Variants in PPFIBP2 observed in about 807,000 individuals in gnomAD.
PPFIBP2 encodes PPFIB scaffold protein 2, also known as liprin-beta-2.
Under a neutral mutation model 118.3 loss-of-function variants are expected in PPFIBP2, and 118 were observed. The observed-to-expected ratio is 1.00, with a 90% CI of 0.86 to 1.16. The LOEUF (loss-of-function observed/expected upper bound fraction) is 1.16. PPFIBP2 is among the 50% of genes most tolerant of loss of function. The pLI is 0.00. For synonymous variants in PPFIBP2, 414 were observed against 397.4 expected (o/e 1.04, Z -0.50); for missense variants, 1,195 against 1,073.1 (o/e 1.11, Z -1.59).
intron 2 of PPFIBP2, among the ~76,000 whole-genome samples, chr11:7,554,785 TGACTA>T (rs530273964): frequency 4.8e-4 from 62 of 129,794 alleles, no homozygotes; most frequent in African/African-American, 1.6e-3. Flanking sequence ...GAATCCCAGG[TGACTA>T]GACTAGACTA....
At chr11:7,532,079 T>G (rs1850745958) in intron 1 of PPFIBP2, among the ~76,000 whole-genome samples, 4 of 152,120 alleles carry the variant, frequency 2.6e-5, no homozygotes, top group Admixed American at 2.6e-4. Flanking sequence ...TGGCCTCAAG[T>G]GATCCACTCA....
chr11:7,641,970 T>C (rs1852258820), intron 16 of PPFIBP2: 1 of 389,764 alleles, frequency 2.6e-6, no homozygotes. Context: ...AAGAAATCTT[T>C]GAAAAACCTT....
Position 7,541,448 on chromosome 11 carries a change from A to G in PPFIBP2, c.-36-7992A>G, listed in dbSNP as rs2134444379. On this transcript the variant is annotated intron_variant, in intron 1 of 23. Transcript: ENST00000299492. ...GAGAAGTGCTCTGGTCTTATTCAGC[A>G]GCATTTGGTGCACCTGACTGCGCCC... 1.3e-5 allele frequency among the ~76,000 whole-genome samples: 2 copies of G among 152,304 alleles called. 1 individual carries two copies. Among genetic ancestry groups the G allele is most frequent in the Middle Eastern group, 6.8e-3 (2 of 294 alleles).
At chr11:7,660,974 C>T (rs1451286580), downstream of PPFIBP2, among the ~76,000 whole-genome samples, 1 of 151,884 alleles carries the variant, frequency 6.6e-6, no homozygotes, top group African/African-American at 2.4e-5. Context: ...GTTTGTATTT[C>T]TGTGGGATCG....
At position 7,651,204 on chromosome 11, in the gene PPFIBP2, C is replaced by T. The variant is rs533992461; in HGVS notation, c.2247+239C>T. The T allele has an allele frequency of 9.7e-5, 42 of 431,260 alleles. No individual in the cohort carries two copies. The Middle Eastern group carries it at 2.0e-3, about 21-fold the overall frequency. 26.7% of individuals were successfully genotyped at this position (431,260 alleles called of 1,614,324 possible). A position where few individuals can be genotyped will look rare whatever the true frequency, so the allele number is the denominator to read the frequency against. On this transcript the variant is annotated intron_variant, in intron 22 of 23. Transcript: ENST00000299492. Reference sequence around the variant, plus strand: ...GGCATGAGACTTGAGGATTCTAGGTCGATGGGTTGCATGGAGACCAACGCT... The same window carrying T: ...GGCATGAGACTTGAGGATTCTAGGTTGATGGGTTGCATGGAGACCAACGCT...
intron 2 of PPFIBP2, among the ~76,000 whole-genome samples, chr11:7,559,682 G>C (rs1448021506): frequency 1.3e-5 from 2 of 152,142 alleles, no homozygotes; most frequent in Admixed American, 1.3e-4. Flanking sequence ...AATTTTCTCA[G>C]ATCCATTTAT....
chr11:7,623,500 G>T (rs1849606473), intron 7 of PPFIBP2, among the ~76,000 whole-genome samples: 3 of 152,200 alleles, frequency 2.0e-5, no homozygotes, highest in African/African-American at 7.2e-5. Context: ...AGCACCTATA[G>T]TTTCTGGCCT....
chr11:7,523,854 C>T (rs981922429), intron 1 of PPFIBP2, among the ~76,000 whole-genome samples: 7 of 152,066 alleles, frequency 4.6e-5, no homozygotes, highest in African/African-American at 1.7e-4. Flanking sequence ...TTAGGGATGC[C>T]AGTGAGGTGT....
downstream of PPFIBP2, chr11:7,655,555 TTGGTGTGGTG>T (rs796112167): frequency 4.2e-5 from 53 of 1,250,474 alleles, no homozygotes; most frequent in Non-Finnish European, 5.1e-5. Flanking sequence ...CCCAGTGAGT[TTGGTGTGGTG>T]TGGTGTGGTA....
At chr11:7,656,714 G>A (rs1208248560), downstream of PPFIBP2, 2 of 1,289,818 alleles carry the variant, frequency 1.6e-6, no homozygotes, top group Non-Finnish European at 2.0e-6. Flanking sequence ...CCCTTCGGCT[G>A]TGTCCTTTTC....
At chr11:7,562,296 G>A (rs1480960370) in intron 2 of PPFIBP2, among the ~76,000 whole-genome samples, 2 of 152,192 alleles carry the variant, frequency 1.3e-5, no homozygotes, top group East Asian at 1.9e-4. Context: ...TTGGTAGAAG[G>A]GCTTAGTTCC....
chr11:7,646,463 T>C (rs950538602), intron 17 of PPFIBP2, among the ~76,000 whole-genome samples: 1 of 152,242 alleles, frequency 6.6e-6, no homozygotes, highest in African/African-American at 2.4e-5. Context: ...TCAGTCATGC[T>C]AGAAGAAAGA....
chr11:7,523,205 C>A (rs913746532), intron 1 of PPFIBP2, among the ~76,000 whole-genome samples: 5 of 152,126 alleles, frequency 3.3e-5, no homozygotes, highest in Non-Finnish European at 4.4e-5. Context: ...GTTCTTCAAT[C>A]CTCCTCACCC....
chr11:7,571,476 A>AT (rs1038464657), intron 3 of PPFIBP2, among the ~76,000 whole-genome samples: 5 of 152,170 alleles, frequency 3.3e-5, no homozygotes, highest in African/African-American at 7.2e-5. Context: ...GTGAGCTTGA[A>AT]TTTTTTTACC....
chr11:7,523,311 C>T (rs1389710358), intron 1 of PPFIBP2, among the ~76,000 whole-genome samples: 1 of 152,194 alleles, frequency 6.6e-6, no homozygotes, highest in Non-Finnish European at 1.5e-5. Flanking sequence ...ACAGTGGTCA[C>T]TTCTGTTTCT....
intron 3 of PPFIBP2, among the ~76,000 whole-genome samples, chr11:7,569,678 G>A (rs1564984628): frequency 6.6e-6 from 1 of 152,234 alleles, no homozygotes; most frequent in African/African-American, 2.4e-5. Context: ...TGCCTGTGGT[G>A]CAGCAGAGCA....
intron 5 of PPFIBP2, chr11:7,605,612 C>T: frequency 1.2e-6 from 1 of 821,392 alleles, no homozygotes; most frequent in Non-Finnish European, 1.5e-6. Flanking sequence ...TGAGGATTTT[C>T]TGCTGTGGTA....
the PPFIBP2 span, chr11:7,666,656 G>C: frequency 1.4e-6 from 1 of 694,986 alleles, no homozygotes; most frequent in East Asian, 2.8e-5. Context: ...CACCACTCCA[G>C]CTGGAGTGCT....
At chr11:7,523,634 C>T (rs1230237594) in intron 1 of PPFIBP2, among the ~76,000 whole-genome samples, 2 of 152,170 alleles carry the variant, frequency 1.3e-5, no homozygotes, top group Admixed American at 1.3e-4. Flanking sequence ...CTTCCCATTT[C>T]TTAGGAAGTA....
Sources: gnomAD v4.1 joint callset for allele counts (sites outside exome capture counted in the v4.1 genomes callset) on GRCh38, gnomAD v4.1.1 for gene constraint, MANE v1.5 for transcripts, NCBI Gene and HGNC (gene_info 2026-07-23, HGNC 2026-07-21) for gene names.